Variants in FBXL17 observed in about 807,000 individuals in gnomAD.
FBXL17 encodes the protein F-box/LRR-repeat protein 17.
Under a neutral mutation model 66.2 loss-of-function variants are expected in FBXL17, and 22 were observed. The observed-to-expected ratio is 0.33, with a 90% CI of 0.24 to 0.47. FBXL17 has a LOEUF of 0.47. FBXL17 is among the 20% of genes least tolerant of loss of function. The probability of loss-of-function intolerance (pLI) is 1.00; values close to 1 mark genes in which losing one functional copy is unlikely to be tolerated. For synonymous variants in FBXL17, 474 were observed against 400.5 expected (o/e 1.18, Z -2.19); for missense variants, 878 against 948.2 (o/e 0.93, Z 0.97).
At chr5:108,227,848 C>G (rs1055197477) in intron 4 of FBXL17, among the ~76,000 whole-genome samples, 2 of 152,072 alleles carry the variant, frequency 1.3e-5, no homozygotes, top group Admixed American at 6.6e-5. Flanking sequence ...TTTTAAGGCA[C>G]TAAAATTGCT....
At chr5:108,068,312 C>T (rs566221309) in intron 6 of FBXL17, among the ~76,000 whole-genome samples, 1 of 152,162 alleles carries the variant, frequency 6.6e-6, no homozygotes. Context: ...ACTTATTCTA[C>T]GGAATATCAA....
intron 4 of FBXL17, among the ~76,000 whole-genome samples, chr5:108,224,521 A>G (rs1755012127): frequency 7.1e-6 from 1 of 140,038 alleles, no homozygotes; most frequent in Non-Finnish European, 1.5e-5. Flanking sequence ...ATATATATGT[A>G]TATGTATACA....
intron 6 of FBXL17, among the ~76,000 whole-genome samples, chr5:108,056,309 A>G (rs72798138): frequency 0.043 from 6,582 of 152,266 alleles, 161 homozygotes; most frequent in Non-Finnish European, 0.052. Flanking sequence ...AAGTGTTACA[A>G]AGAGTTGCAG....
rs373819520 is a variant in FBXL17 at position 108,021,032 on chromosome 5, G to A, written c.1746-31C>T. 2.2e-5 allele frequency: 33 copies of A among 1,522,276 alleles called. No homozygotes were observed. In the African/African-American group the frequency reaches 4.0e-4, roughly 18 times the overall value. The allele number at this position is 1,522,276 out of a possible 1,614,324, so 94.3% of individuals were successfully genotyped here. On this transcript the variant is annotated intron_variant, in intron 6 of 8. Coordinates refer to ENST00000542267, the MANE Select transcript of FBXL17 (RefSeq NM_001163315.3). ...ACATACAAAAAGTGGTTATACTAATGCGTTTCAAGTTAAATTAGCAGGGGT... is the reference window on the plus strand; with the variant it reads ...ACATACAAAAAGTGGTTATACTAATACGTTTCAAGTTAAATTAGCAGGGGT...
At position 107,886,915 on chromosome 5, in the gene FBXL17, C is replaced by CAAA. The variant is rs33943440; in HGVS notation, c.1823-5739_1823-5737dup. On this transcript the variant is annotated intron_variant, in intron 7 of 8. Coordinates refer to ENST00000542267, the MANE Select transcript of FBXL17 (RefSeq NM_001163315.3). ...TCAAAAGGGTCAAGGTAATGAAATACAAAAAAAAAAAAAGGAACAAGGAAC... is the reference window on the plus strand; with the variant it reads ...TCAAAAGGGTCAAGGTAATGAAATACAAAAAAAAAAAAAAAAGGAACAAGGAAC... 4.3e-3 allele frequency among the ~76,000 whole-genome samples: 558 copies of CAAA among 129,640 alleles called. 5 individuals are homozygous for CAAA. The highest frequency in any genetic ancestry group is 4.5e-3 in the African/African-American group (168 of 37,244). The allele number at this position is 129,640 out of a possible 152,430, so 85.0% of individuals were successfully genotyped here. A position where few individuals can be genotyped will look rare whatever the true frequency, so the allele number is the denominator to read the frequency against.
intron 6 of FBXL17, among the ~76,000 whole-genome samples, chr5:108,184,503 T>C (rs1403980146): frequency 6.6e-6 from 1 of 151,898 alleles, no homozygotes; most frequent in African/African-American, 2.4e-5. Context: ...GAGATGGGGT[T>C]TCACCATGTT....
chr5:107,922,823 C>A (rs944789597), intron 7 of FBXL17, among the ~76,000 whole-genome samples: 1 of 152,186 alleles, frequency 6.6e-6, no homozygotes, highest in Admixed American at 6.5e-5. Flanking sequence ...TTCAAAGAAA[C>A]AGGCCTACAT....
chr5:107,890,681 A>AAG (rs35492193), intron 7 of FBXL17, among the ~76,000 whole-genome samples: 40 of 150,246 alleles, frequency 2.7e-4, no homozygotes, highest in South Asian at 2.1e-4. Flanking sequence ...AAAAAAAAAA[A>AAG]TTGTCTAACC....
chr5:107,931,403 G>A lies in FBXL17; in HGVS notation c.1823-50224C>T, dbSNP rs987435447. Among the ~76,000 whole-genome samples, 4 of 151,794 alleles carry A rather than the reference G, an allele frequency of 2.6e-5. No homozygotes were observed. In the South Asian group the frequency reaches 8.3e-4, roughly 32 times the overall value. ...GCCTCCCAAGTAGCTGGAACTACAGGTGTGTGTCACCACGCCTGGCTAATT... is the reference window on the plus strand; with the variant it reads ...GCCTCCCAAGTAGCTGGAACTACAGATGTGTGTCACCACGCCTGGCTAATT... On this transcript the variant is annotated intron_variant, in intron 7 of 8. Transcript: ENST00000542267.
intron 4 of FBXL17, among the ~76,000 whole-genome samples, chr5:108,335,976 CA>C (rs1229703194): frequency 6.6e-6 from 1 of 151,982 alleles, no homozygotes; most frequent in Non-Finnish European, 1.5e-5. Context: ...AACACTTGTC[CA>C]ATTTTTTCCC....
At chr5:107,870,083 T>C (rs1748395892) in intron 8 of FBXL17, among the ~76,000 whole-genome samples, 1 of 152,094 alleles carries the variant, frequency 6.6e-6, no homozygotes, top group Non-Finnish European at 1.5e-5. Flanking sequence ...ATCGGAGTCT[T>C]GGTGGAGAGG....
intron 7 of FBXL17, among the ~76,000 whole-genome samples, chr5:108,010,425 T>C (rs1167954215): frequency 6.6e-6 from 1 of 152,152 alleles, no homozygotes; most frequent in African/African-American, 2.4e-5. Flanking sequence ...ACTACAAGCT[T>C]TTAGTCCTTG....
At chr5:108,154,704 T>C (rs946624841) in intron 6 of FBXL17, among the ~76,000 whole-genome samples, 1 of 145,276 alleles carries the variant, frequency 6.9e-6, no homozygotes, top group Non-Finnish European at 1.5e-5. Flanking sequence ...TGTATATACA[T>C]ATATATGTGT....
intron 5 of FBXL17, among the ~76,000 whole-genome samples, chr5:108,220,425 C>T (rs1754809850): frequency 1.3e-5 from 2 of 152,070 alleles, no homozygotes; most frequent in South Asian, 4.2e-4. Context: ...GCCTGTTTCC[C>T]GTATCATAGG....
chr5:108,011,492 G>A (rs1159540967), intron 7 of FBXL17, among the ~76,000 whole-genome samples: 1 of 152,114 alleles, frequency 6.6e-6, no homozygotes, highest in Non-Finnish European at 1.5e-5. Context: ...CATTCTTGGA[G>A]AGGCTCTCTC....
chr5:108,163,578 T>A (rs183181221), intron 6 of FBXL17, among the ~76,000 whole-genome samples: 52 of 152,152 alleles, frequency 3.4e-4, no homozygotes, highest in African/African-American at 1.2e-3. Context: ...TTTTTTTGTG[T>A]TTTTAGTAGA....
chr5:108,073,785 T>C (rs1020114872), intron 6 of FBXL17, among the ~76,000 whole-genome samples: 1 of 152,092 alleles, frequency 6.6e-6, no homozygotes, highest in South Asian at 2.1e-4. Context: ...CCTCTCTCTC[T>C]TGCTCCCTCT....
In FBXL17 at chr5:108,030,936, A is replaced by G. The variant is rs192411518; in HGVS notation, c.1746-9935T>C. 1.1e-3 allele frequency among the ~76,000 whole-genome samples: 161 copies of G among 152,232 alleles called. 1 individual carries two copies. The highest frequency in any genetic ancestry group is 1.9e-3 in the South Asian group (9 of 4,828). ...TTATAGAAAAAAATAAAGTTAGAGC[A>G]TAAATTCATTTTTTGGAGATCTTTT... On this transcript the variant is annotated intron_variant, in intron 6 of 8. Coordinates refer to ENST00000542267, the MANE Select transcript of FBXL17 (RefSeq NM_001163315.3).
At chr5:107,898,901 T>A (rs997974618) in intron 7 of FBXL17, among the ~76,000 whole-genome samples, 2 of 152,230 alleles carry the variant, frequency 1.3e-5, no homozygotes, top group Non-Finnish European at 2.9e-5. Context: ...GTCTTTGCTA[T>A]CGTGAACAGT....
Sources: allele counts gnomAD v4.1 joint callset (sites outside exome capture counted in the v4.1 genomes callset), GRCh38; gene constraint gnomAD v4.1.1; transcripts MANE v1.5; gene names NCBI Gene and HGNC (gene_info 2026-07-23, HGNC 2026-07-21).